Variants in DLG2 observed in about 807,000 individuals in gnomAD.
The protein encoded by DLG2 is disks large homolog 2.
DLG2 carries 45 observed loss-of-function variants against 132.5 expected under a neutral mutation model. The ratio of observed to expected loss-of-function variants is 0.34; its 90% CI spans 0.27 to 0.44. The LOEUF (loss-of-function observed/expected upper bound fraction) is 0.44, where lower values mean the gene tolerates loss of function less well. Ranked by LOEUF, DLG2 falls within the 20% of genes least tolerant of loss-of-function variation. The probability of loss-of-function intolerance (pLI) is 1.00; values close to 1 mark genes in which losing one functional copy is unlikely to be tolerated. For synonymous variants in DLG2, 424 were observed against 419.6 expected (o/e 1.01, Z -0.13); for missense variants, 1,045 against 1,196.9 (o/e 0.87, Z 1.87).
chr11:83,996,958 A>C (rs887406297), intron 11 of DLG2, among the ~76,000 whole-genome samples: 3 of 152,140 alleles, frequency 2.0e-5, no homozygotes, highest in African/African-American at 7.2e-5. Flanking sequence ...AAAAATAACA[A>C]AAAGAGTATA....
At chr11:84,231,293 T>C (rs569278372) in intron 8 of DLG2, among the ~76,000 whole-genome samples, 1 of 152,306 alleles carries the variant, frequency 6.6e-6, no homozygotes, top group South Asian at 2.1e-4. Context: ...ATCTTAACTA[T>C]GGAGCACCTT....
rs2099024674 is a variant in DLG2 at position 84,443,831 on chromosome 11, G to A, written c.519+90739C>T. On this transcript the variant is annotated intron_variant, in intron 7 of 27. Transcript: ENST00000376104. ...AATATCTGTTTCCAATCTCTGACTT[G>A]TCTTAGTTTTATTCATGTTTTGTCA... 2.0e-5 allele frequency among the ~76,000 whole-genome samples: 3 copies of A among 151,864 alleles called. No individual in the cohort carries two copies. The South Asian group carries it at 6.2e-4, about 32-fold the overall frequency.
chr11:83,581,101 C>T (rs1046936845), intron 19 of DLG2, among the ~76,000 whole-genome samples: 1 of 151,768 alleles, frequency 6.6e-6, no homozygotes, highest in Admixed American at 6.6e-5. Flanking sequence ...CTCAAACCTC[C>T]AAATGAAGAG....
chr11:85,369,080 G>C (rs886359696), intron 3 of DLG2, among the ~76,000 whole-genome samples: 6 of 152,066 alleles, frequency 3.9e-5, no homozygotes, highest in African/African-American at 1.4e-4. Context: ...TCTCACTATT[G>C]CTCCTAAGCA....
At chr11:84,223,517 T>C (rs1446664376) in intron 8 of DLG2, among the ~76,000 whole-genome samples, 2 of 151,918 alleles carry the variant, frequency 1.3e-5, no homozygotes, top group East Asian at 3.9e-4. Context: ...GGCACACATG[T>C]CTTTCTCATA....
chr11:83,589,158 C>T (rs1317287807), intron 19 of DLG2, among the ~76,000 whole-genome samples: 6 of 150,754 alleles, frequency 4.0e-5, no homozygotes, highest in African/African-American at 1.2e-4. Context: ...AGATACTCCT[C>T]GAGAAGAGCA....
intron 6 of DLG2, among the ~76,000 whole-genome samples, chr11:85,019,764 C>T (rs544736003): frequency 1.3e-5 from 2 of 152,234 alleles, no homozygotes; most frequent in South Asian, 4.1e-4. Context: ...TGATGGTTTC[C>T]AGCTTCATCC....
chr11:85,148,563 G>A (rs1259238526), intron 5 of DLG2, among the ~76,000 whole-genome samples: 2 of 152,208 alleles, frequency 1.3e-5, no homozygotes, highest in Non-Finnish European at 2.9e-5. Context: ...TTTGGGAAGT[G>A]TCTGTTCATG....
At chr11:85,117,580 G>T (rs2073790929) in intron 5 of DLG2, among the ~76,000 whole-genome samples, 1 of 140,208 alleles carries the variant, frequency 7.1e-6, no homozygotes. Flanking sequence ...AACTTGGAAG[G>T]ATCAATAACC....
chr11:85,311,652 C>A (rs1419275852), intron 3 of DLG2, among the ~76,000 whole-genome samples: 1 of 152,024 alleles, frequency 6.6e-6, no homozygotes, highest in East Asian at 1.9e-4. Flanking sequence ...TGAAATGAAA[C>A]CTTATAGATA....
chr11:84,000,176 T>C (rs997227578), intron 11 of DLG2, among the ~76,000 whole-genome samples: 4 of 152,046 alleles, frequency 2.6e-5, no homozygotes, highest in African/African-American at 4.8e-5. Flanking sequence ...ATAGATATCA[T>C]ACAAAAGAAC....
At chr11:83,586,934 G>A (rs2097096245) in intron 19 of DLG2, among the ~76,000 whole-genome samples, 1 of 152,140 alleles carries the variant, frequency 6.6e-6, no homozygotes, top group Admixed American at 6.5e-5. Flanking sequence ...GCAGAGCAAT[G>A]GCCACAGAAG....
chr11:83,959,491 A>G (rs1446228158), intron 14 of DLG2, among the ~76,000 whole-genome samples: 1 of 152,150 alleles, frequency 6.6e-6, no homozygotes, highest in South Asian at 2.1e-4. Flanking sequence ...TTTTAGGAAA[A>G]TACAAAGTAG....
intron 4 of DLG2, among the ~76,000 whole-genome samples, chr11:85,170,440 G>C (rs904923177): frequency 2.6e-5 from 4 of 152,154 alleles, no homozygotes; most frequent in African/African-American, 9.7e-5. Flanking sequence ...CTCACCCAAG[G>C]GGAGAGTAAT....
intron 5 of DLG2, among the ~76,000 whole-genome samples, chr11:85,153,872 G>T (rs1333982557): frequency 6.6e-6 from 1 of 152,076 alleles, no homozygotes; most frequent in African/African-American, 2.4e-5. Flanking sequence ...ATGAGGAAAT[G>T]GAAGCTTTTA....
intron 8 of DLG2, among the ~76,000 whole-genome samples, chr11:84,199,661 T>C (rs1017152395): frequency 1.3e-5 from 2 of 152,024 alleles, no homozygotes; most frequent in African/African-American, 4.8e-5. Flanking sequence ...AAATTATCAA[T>C]ACACTGAAAG....
At chr11:85,365,207 T>G (rs1263692945) in intron 3 of DLG2, among the ~76,000 whole-genome samples, 3 of 152,206 alleles carry the variant, frequency 2.0e-5, no homozygotes, top group African/African-American at 7.2e-5. Flanking sequence ...CTTTTTGTAA[T>G]ACTATCCTAA....
At chr11:85,114,029 T>G (rs534179225) in intron 5 of DLG2, among the ~76,000 whole-genome samples, 1 of 152,088 alleles carries the variant, frequency 6.6e-6, no homozygotes, top group Non-Finnish European at 1.5e-5. Context: ...GTGTGGTTAC[T>G]GAAAATCCTA....
chr11:85,060,518 T>C (rs930323414), intron 6 of DLG2, among the ~76,000 whole-genome samples: 21 of 151,256 alleles, frequency 1.4e-4, no homozygotes, highest in African/African-American at 5.1e-4. Flanking sequence ...TGTGTGTGTG[T>C]ATACATGTAT....
Sources: gnomAD v4.1 joint callset for allele counts (sites outside exome capture counted in the v4.1 genomes callset) on GRCh38, gnomAD v4.1.1 for gene constraint, MANE v1.5 for transcripts, NCBI Gene and HGNC (gene_info 2026-07-23, HGNC 2026-07-21) for gene names.